The following HDC variants were observed in gnomAD, a reference collection of about 807,000 sequenced individuals.
HDC encodes the protein histidine decarboxylase.
HDC carries 27 observed loss-of-function variants against 64.4 expected under a neutral mutation model. The ratio of observed to expected loss-of-function variants is 0.42; its 90% CI spans 0.31 to 0.58. HDC has a LOEUF of 0.58. Among genes scored for constraint, HDC ranks in the 20% least tolerant of loss-of-function variants. The probability of loss-of-function intolerance (pLI) is 0.16; values close to 1 mark genes in which losing one functional copy is unlikely to be tolerated. For missense variants in HDC, 711 were observed against 833.9 expected, an observed-to-expected ratio of 0.85 and a Z score of 1.81; for synonymous variants, 305 against 314.2, an observed-to-expected ratio of 0.97 and a Z score of 0.31.
Position 50,243,199 on chromosome 15 carries a change from G to A in HDC, c.1186C>T (p.Pro396Ser). 6.2e-6 allele frequency: 10 copies of A among 1,614,020 alleles called. No homozygotes were observed. The highest frequency in any genetic ancestry group is 5.9e-6 in the Non-Finnish European group (7 of 1,179,912). ...KYFESLVRND[P>S]SFEIPAKRHL... ...CTCTTGGCAGGAATTTCAAAGGAAG[G>A]GTCGTTTCTGACCAGAGATTCAAAA... The change falls in exon 11 of 12, where the codon CCT becomes TCT. Residue 396 changes from proline to serine, a missense_variant. Physicochemically the swap from Pro to Ser is moderately conservative, Grantham distance 74 (BLOSUM62 -1). Transcript: ENST00000267845.
chr15:50,247,297 A>G (rs1331101774), intron 10 of HDC, among the ~76,000 whole-genome samples: 1 of 152,190 alleles, frequency 6.6e-6, no homozygotes, highest in Non-Finnish European at 1.5e-5. Context: ...ATACCCAGTT[A>G]CCCTAATTTG....
chr15:50,250,897 C>G (rs1364468104), intron 9 of HDC, among the ~76,000 whole-genome samples: 1 of 152,146 alleles, frequency 6.6e-6, no homozygotes, highest in African/African-American at 2.4e-5. Context: ...CTTCAAATAT[C>G]TAAAGAGGGT....
intron 7 of HDC, 25 bp from the exon 8 acceptor site, chr15:50,252,799 C>G: frequency 1.9e-6 from 3 of 1,600,674 alleles, no homozygotes; most frequent in Non-Finnish European, 2.6e-6. Context: ...ATCACCTGGC[C>G]GGAGGGGAGG....
rs185139581 is a variant in HDC, at chr15:50,251,311, T to C, written c.1041+1119A>G. Among the ~76,000 whole-genome samples, 44 of 152,356 alleles carry C rather than the reference T, an allele frequency of 2.9e-4. No homozygotes were observed. The East Asian group carries it at 7.3e-3, about 25-fold the overall frequency. On this transcript the variant is annotated intron_variant, in intron 9 of 11. Transcript: ENST00000267845. ...CAAAGAAGAGCTTTCAGAAATACTA[T>C]GCCTACCATATATTGAGCACTTGCC... is the stretch of plus-strand genomic sequence containing the variant.
At position 50,242,299 on chromosome 15, in the gene HDC, T is replaced by G. The variant is rs748422085; in HGVS notation, c.1950A>C (p.Gly650=). Residue 650 remains glycine (G), a synonymous_variant, in exon 12 of 12, where the codon GGA becomes GGC. Coordinates refer to ENST00000267845, the MANE Select transcript of HDC (RefSeq NM_002112.4). The stretch of plus-strand genomic sequence containing the variant: ...GCAGAGGGCAACAGGGCAGCTGGAG[T>G]CCACATTGAGAGCTGCATTCAGGAA... ...PSFPECSSQC[G]LQLPCCPLQA... 1.2e-6 allele frequency: 2 copies of G among 1,613,956 alleles called. No homozygotes were observed. The highest frequency in any genetic ancestry group is 1.1e-5 in the South Asian group (1 of 91,070).
At chr15:50,258,362 C>T (rs780969288) in intron 3 of HDC, 42 bp downstream of exon 3, 23 of 1,116,382 alleles carry the variant, frequency 2.1e-5, no homozygotes, top group Non-Finnish European at 3.0e-5. Flanking sequence ...CCACTCCCTG[C>T]TACGTTCCCC....
At position 50,265,585 on chromosome 15, in the gene HDC, T is replaced by C. The variant is rs1462403472; in HGVS notation, c.31+8A>G. ...CAGGGAAGAGGGCCAGGGATGCCCG[T>C]TGCTCACCTCTCTCTCTGTACTCCT... On this transcript the variant is annotated splice_region_variant and intron_variant, in intron 1 of 11. Coordinates refer to ENST00000267845, the MANE Select transcript of HDC (RefSeq NM_002112.4). 1 of 1,613,668 alleles carries C rather than the reference T, an allele frequency of 6.2e-7. No homozygotes were observed. The highest frequency in any genetic ancestry group is 8.5e-7 in the Non-Finnish European group (1 of 1,179,610).
At chr15:50,249,378 T>C (rs1403927272) in intron 9 of HDC, among the ~76,000 whole-genome samples, 1 of 152,178 alleles carries the variant, frequency 6.6e-6, no homozygotes, top group Non-Finnish European at 1.5e-5. Flanking sequence ...TGACTAAAAA[T>C]AAATGTTTGT....
At chr15:50,251,529 G>A (rs1291943414) in intron 9 of HDC, among the ~76,000 whole-genome samples, 1 of 152,110 alleles carries the variant, frequency 6.6e-6, no homozygotes, top group South Asian at 2.1e-4. Flanking sequence ...TGCTGCCTCC[G>A]TTGGCCAGGT....
chr15:50,242,737 C>CCT lies in HDC; in HGVS notation c.1511_1512insAG (p.Ser505GlyfsTer31). The CCT allele has an allele frequency of 6.2e-7, 1 of 1,614,028 alleles. No individual in the cohort carries two copies. Among genetic ancestry groups the CCT allele is most frequent in the Non-Finnish European group, 8.5e-7 (1 of 1,180,032 alleles). Reference sequence around the variant, plus strand: ...CTGCCCCACTGACAGACTGAAGGGACGTTCCACAGGCCCAGGCTCTGGCAC... The same window carrying CCT: ...CTGCCCCACTGACAGACTGAAGGGACCTGTTCCACAGGCCCAGGCTCTGGCAC... On this transcript the variant is annotated frameshift_variant, in exon 12 of 12. Transcript: ENST00000267845. LOFTEE classifies it high-confidence loss of function.
intron 4 of HDC, 74 bp from the exon 5 acceptor site, chr15:50,254,738 T>TTTTTTCTC: frequency 1.2e-6 from 1 of 862,756 alleles, no homozygotes; most frequent in African/African-American, 1.9e-5. Flanking sequence ...TTCTAGTTTT[T>TTTTTTCTC]TCTCTCTCTC....
chr15:50,250,580 G>C (rs1204088256), intron 9 of HDC, among the ~76,000 whole-genome samples: 1 of 152,090 alleles, frequency 6.6e-6, no homozygotes, highest in Non-Finnish European at 1.5e-5. Flanking sequence ...GAATTTAAAC[G>C]GTAACATGAA....
chr15:50,247,641 T>C (rs2045499681), intron 10 of HDC, among the ~76,000 whole-genome samples: 1 of 152,230 alleles, frequency 6.6e-6, no homozygotes, highest in African/African-American at 2.4e-5. Context: ...GCTTCTTCCA[T>C]GAAGAACATG....
intron 1 of HDC, among the ~76,000 whole-genome samples, chr15:50,263,899 A>C (rs2045737132): frequency 6.6e-6 from 1 of 152,214 alleles, no homozygotes; most frequent in Non-Finnish European, 1.5e-5. Context: ...GGAGTTTCTA[A>C]GTGAGCAAAT....
At chr15:50,254,079 C>G in intron 6 of HDC, 51 bp downstream of exon 6, 1 of 1,606,036 alleles carries the variant, frequency 6.2e-7, no homozygotes, top group Non-Finnish European at 8.5e-7. Flanking sequence ...AAAATTCCTT[C>G]CTCACATCCA....
In HDC at chr15:50,263,133, A is replaced by G; in HGVS notation, c.204+102T>C. ...TGGTGGCCAAGTGGCTGAAGGATGC[A>G]TTCTCATCCCAAGCTGACCCAAAGC... On this transcript the variant is annotated intron_variant, in intron 2 of 11. Transcript: ENST00000267845. 6.5e-6 allele frequency: 8 copies of G among 1,224,164 alleles called. No homozygotes were observed. The South Asian group carries it at 8.5e-5, about 13-fold the overall frequency. 75.8% of individuals were successfully genotyped at this position (1,224,164 alleles called of 1,614,324 possible). A position where few individuals can be genotyped will look rare whatever the true frequency, so the allele number is the denominator to read the frequency against.
chr15:50,262,628 A>G (rs139614062), intron 2 of HDC, among the ~76,000 whole-genome samples: 2 of 152,280 alleles, frequency 1.3e-5, no homozygotes, highest in African/African-American at 2.4e-5. Context: ...GAAAGTATCA[A>G]TGATTCAGGG....
At chr15:50,254,738 T>TTTC in intron 4 of HDC, 74 bp from the exon 5 acceptor site, 1 of 862,758 alleles carries the variant, frequency 1.2e-6, no homozygotes. Flanking sequence ...TTCTAGTTTT[T>TTTC]TCTCTCTCTC....
chr15:50,261,712 C>CTTT (rs140597386), intron 2 of HDC, among the ~76,000 whole-genome samples: 7 of 140,298 alleles, frequency 5.0e-5, no homozygotes, highest in African/African-American at 1.6e-4. Context: ...ATTTTTGTCA[C>CTTT]TTTTTTTTTT....
Sources: allele counts gnomAD v4.1 joint callset (sites outside exome capture counted in the v4.1 genomes callset), GRCh38; gene constraint gnomAD v4.1.1; transcripts MANE v1.5; gene names NCBI Gene and HGNC (gene_info 2026-07-23, HGNC 2026-07-21).